The following ANKRD11 variants were observed in gnomAD, a reference collection of about 807,000 sequenced individuals.
ANKRD11 encodes ankyrin repeat domain 11.
A neutral mutation model predicts 195.7 loss-of-function variants in ANKRD11; 17 were observed. The ratio of observed to expected loss-of-function variants is 0.09; its 90% CI spans 0.06 to 0.13. The LOEUF is 0.13. Ranked by LOEUF, ANKRD11 falls within the 10% of genes least tolerant of loss-of-function variation. The pLI, the probability that ANKRD11 is intolerant of heterozygous loss-of-function variation, is 1.00. For missense variants in ANKRD11, 3,735 were observed against 3,566.1 expected (o/e 1.05, Z -1.21); for synonymous variants, 1,953 against 1,528.1 (o/e 1.28, Z -6.49).
chr16:89,299,345 CGTGGGGTCT>C, intron 4 of ANKRD11: 1 of 225,652 alleles, frequency 4.4e-6, no homozygotes, highest in South Asian at 4.5e-5. Flanking sequence ...GTGTGGGGTG[CGTGGGGTCT>C]GTGCCCTGTG....
At chr16:89,278,478 T>C in intron 9 of ANKRD11, 1 of 454,382 alleles carries the variant, frequency 2.2e-6, no homozygotes. Flanking sequence ...TCCGAGATGT[T>C]TCACCTGAGC....
intron 2 of ANKRD11, among the ~76,000 whole-genome samples, chr16:89,417,448 G>A (rs1250754805): frequency 2.6e-5 from 4 of 152,140 alleles, no homozygotes; most frequent in Non-Finnish European, 4.4e-5. Flanking sequence ...GAAGGAGGGA[G>A]GACTCTGCCC....
At chr16:89,342,198 G>C (rs75540348) in intron 2 of ANKRD11, among the ~76,000 whole-genome samples, 9 of 152,236 alleles carry the variant, frequency 5.9e-5, no homozygotes, top group African/African-American at 2.2e-4. Flanking sequence ...CTGACAGGTA[G>C]GTCTCCACCA....
At chr16:89,424,623 A>G (rs540219851) in intron 1 of ANKRD11, among the ~76,000 whole-genome samples, 1 of 152,250 alleles carries the variant, frequency 6.6e-6, no homozygotes, top group South Asian at 2.1e-4. Context: ...GCTGAGCAAA[A>G]AGGCCAATCG....
intron 2 of ANKRD11, among the ~76,000 whole-genome samples, chr16:89,326,863 G>A (rs2037754733): frequency 1.3e-5 from 2 of 152,238 alleles, no homozygotes; most frequent in Non-Finnish European, 2.9e-5. Context: ...CCCGCCAGGG[G>A]CTGCTGGTGG....
chr16:89,396,392 G>A (rs1004685741), intron 2 of ANKRD11, among the ~76,000 whole-genome samples: 1 of 152,156 alleles, frequency 6.6e-6, no homozygotes. Context: ...CCGCAAGAGA[G>A]ACCAAAGGGA....
intron 2 of ANKRD11, among the ~76,000 whole-genome samples, chr16:89,332,409 T>C: frequency 6.6e-6 from 1 of 152,168 alleles, no homozygotes; most frequent in East Asian, 1.9e-4. Context: ...AGGACAGAGA[T>C]GCCTTACAGC....
chr16:89,314,282 A>C (rs892516963), intron 3 of ANKRD11, among the ~76,000 whole-genome samples: 2 of 149,756 alleles, frequency 1.3e-5, no homozygotes, highest in East Asian at 2.4e-4. Context: ...ACAACAACAA[A>C]AAACCACACA....
chr16:89,357,342 C>T (rs2039530805), intron 2 of ANKRD11, among the ~76,000 whole-genome samples: 2 of 152,124 alleles, frequency 1.3e-5, no homozygotes, highest in Non-Finnish European at 2.9e-5. Flanking sequence ...ACACTTGCTG[C>T]CAGTCTCCAG....
chr16:89,455,739 A>G (rs555058388), intron 1 of ANKRD11, among the ~76,000 whole-genome samples: 1 of 152,300 alleles, frequency 6.6e-6, no homozygotes, highest in East Asian at 1.9e-4. Flanking sequence ...CGCAGACTCA[A>G]TTCTCAAAGA....
intron 1 of ANKRD11, among the ~76,000 whole-genome samples, chr16:89,488,663 G>A (rs1003139342): frequency 6.6e-6 from 1 of 152,110 alleles, no homozygotes; most frequent in African/African-American, 2.4e-5. Context: ...TGTTTCGATG[G>A]CACTTTTTCC....
intron 1 of ANKRD11, among the ~76,000 whole-genome samples, chr16:89,465,443 A>C (rs539260357): frequency 6.6e-6 from 1 of 152,308 alleles, no homozygotes; most frequent in Non-Finnish European, 1.5e-5. Context: ...GACAGAGAAC[A>C]GGGGCAGCAC....
chr16:89,378,724 T>C (rs1239686589), intron 2 of ANKRD11, among the ~76,000 whole-genome samples: 3 of 152,160 alleles, frequency 2.0e-5, no homozygotes, highest in African/African-American at 7.2e-5. Context: ...GGATTACAGG[T>C]GTGTGCCACC....
At chr16:89,278,688 G>A (rs946832026) in intron 9 of ANKRD11, 4 of 481,272 alleles carry the variant, frequency 8.3e-6, no homozygotes, top group Non-Finnish European at 1.6e-5. Context: ...AGGGAGAAGG[G>A]GGCGGGGCAG....
At chr16:89,278,020 G>A (rs1333874148) in intron 9 of ANKRD11, 1 of 163,356 alleles carries the variant, frequency 6.1e-6, no homozygotes, top group Non-Finnish European at 1.4e-5. Flanking sequence ...GAAGGAAATG[G>A]CCATTGGTGA....
chr16:89,379,038 T>TCA (rs1343234747), intron 2 of ANKRD11, among the ~76,000 whole-genome samples: 9 of 152,202 alleles, frequency 5.9e-5, no homozygotes, highest in Admixed American at 5.9e-4. Context: ...GCTGAGGCAT[T>TCA]CACTGTCGCT....
chr16:89,357,474 A>G (rs2039536828), intron 2 of ANKRD11, among the ~76,000 whole-genome samples: 1 of 152,180 alleles, frequency 6.6e-6, no homozygotes, highest in Admixed American at 6.5e-5. Flanking sequence ...TTCCTCAACA[A>G]ATTACAAAAG....
At chr16:89,309,702 C>T (rs1718545926) in intron 3 of ANKRD11, among the ~76,000 whole-genome samples, 1 of 152,170 alleles carries the variant, frequency 6.6e-6, no homozygotes, top group Non-Finnish European at 1.5e-5. Context: ...TGGGACAGGC[C>T]CTGTTTCGGC....
At chr16:89,293,218 G>C (rs995689398) in intron 4 of ANKRD11, among the ~76,000 whole-genome samples, 3 of 152,310 alleles carry the variant, frequency 2.0e-5, no homozygotes, top group East Asian at 1.9e-4. Flanking sequence ...AGCCCCCTGA[G>C]AACACGAGGA....
Sources: allele counts gnomAD v4.1 joint callset (sites outside exome capture counted in the v4.1 genomes callset), GRCh38; gene constraint gnomAD v4.1.1; transcripts MANE v1.5; gene names NCBI Gene and HGNC (gene_info 2026-07-23, HGNC 2026-07-21).